Variants in CALN1 observed in about 807,000 individuals in gnomAD.
CALN1 encodes calcium-binding protein 8.
CALN1 carries 17 observed loss-of-function variants against 30.6 expected under a neutral mutation model. The observed-to-expected ratio is 0.56, with a 90% CI of 0.38 to 0.83. CALN1 has a LOEUF of 0.83. Among genes scored for constraint, CALN1 ranks in the 40% least tolerant of loss-of-function variants. CALN1 has a pLI of 0.00. For missense variants in CALN1, 291 were observed against 354.9 expected (o/e 0.82, Z 1.45); for synonymous variants, 156 against 131.4 (o/e 1.19, Z -1.28).
the CALN1 span, among the ~76,000 whole-genome samples, chr7:72,500,610 G>A: frequency 3.3e-5 from 5 of 150,952 alleles, no homozygotes; most frequent in East Asian, 1.9e-4. Flanking sequence ...TCCCCTCTCC[G>A]CTGTTTATAT....
Position 72,091,508 on chromosome 7 carries a change from C to T in CALN1, c.388+14643G>A, listed in dbSNP as rs143330071. On this transcript the variant is annotated intron_variant, in intron 4 of 6. Transcript: ENST00000395275. ...GCTTGTATCAAAATATCACATGTACCCCATAAATATGTATAACTTATATCC... is the reference window on the plus strand; with the variant it reads ...GCTTGTATCAAAATATCACATGTACTCCATAAATATGTATAACTTATATCC... Among the ~76,000 whole-genome samples, 379 of 152,106 alleles carry T rather than the reference C, an allele frequency of 2.5e-3. 2 individuals are homozygous for T. Among genetic ancestry groups the T allele is most frequent in the African/African-American group, 8.4e-3 (349 of 41,476 alleles).
chr7:72,308,371 GGGAGAGA>G (rs1291363753), intron 2 of CALN1, among the ~76,000 whole-genome samples: 3 of 94,094 alleles, frequency 3.2e-5, no homozygotes, highest in African/African-American at 8.3e-5. Flanking sequence ...CTGTGGGGGG[GGGAGAGA>G]GAGAGAGAGA....
chr7:72,045,332 G>A (rs1277714882), intron 4 of CALN1, among the ~76,000 whole-genome samples: 1 of 152,212 alleles, frequency 6.6e-6, no homozygotes, highest in African/African-American at 2.4e-5. Flanking sequence ...CTGACTATGT[G>A]TGCTTGGATT....
At chr7:71,839,124 TGAGA>T (rs148834323) in intron 5 of CALN1, among the ~76,000 whole-genome samples, 2 of 151,118 alleles carry the variant, frequency 1.3e-5, no homozygotes, top group African/African-American at 2.4e-5. Context: ...TTATCATTCT[TGAGA>T]GAGAGAGAGA....
chr7:72,415,903 A>C (rs374593512), upstream of CALN1, among the ~76,000 whole-genome samples: 13 of 152,276 alleles, frequency 8.5e-5, no homozygotes, highest in African/African-American at 1.4e-4. Context: ...CCTGAGTCTG[A>C]TCTGTTCCCA....
At chr7:72,468,046 GTCCATCCATGTTGTTGCATGTATAAGTAC>G in the CALN1 span, among the ~76,000 whole-genome samples, 1 of 152,098 alleles carries the variant, frequency 6.6e-6, no homozygotes, top group Admixed American at 6.5e-5. Context: ...TGTTTTCAAG[GTCCATCCATGTTGTTGCATGTATAAGTAC>G]TTCATTCCTT....
intron 5 of CALN1, among the ~76,000 whole-genome samples, chr7:71,858,824 C>T (rs1271819647): frequency 6.6e-6 from 1 of 152,110 alleles, no homozygotes; most frequent in Non-Finnish European, 1.5e-5. Flanking sequence ...TGTCTCGTGT[C>T]TCCCTAAAAT....
At chr7:71,925,039 G>C (rs940881442) in intron 5 of CALN1, among the ~76,000 whole-genome samples, 12 of 152,134 alleles carry the variant, frequency 7.9e-5, no homozygotes, top group African/African-American at 2.9e-4. Flanking sequence ...TCAGGAGTTT[G>C]AGAGCAGCCT....
At chr7:72,150,407 C>G (rs1031350299) in intron 3 of CALN1, among the ~76,000 whole-genome samples, 1 of 152,216 alleles carries the variant, frequency 6.6e-6, no homozygotes, top group East Asian at 1.9e-4. Context: ...GGTTTACTCA[C>G]AAGTAAACAA....
In CALN1 at chr7:72,247,247, T is replaced by TCC. The variant is rs1795248579; in HGVS notation, c.244+31438_244+31439insGG. On this transcript the variant is annotated intron_variant, in intron 3 of 6. Transcript: ENST00000395275. ...TCTTTCTTTTTTTTTTTTTTTTTTT[T>TCC]TTTTTTTTTTTTTTTTTTTGAGATG... is the stretch of plus-strand genomic sequence containing the variant. 1.7e-5 allele frequency among the ~76,000 whole-genome samples: 2 copies of TCC among 115,848 alleles called. 1 individual carries two copies. The allele number at this position is 115,848 out of a possible 152,430, so 76.0% of individuals were successfully genotyped here. A position where few individuals can be genotyped will look rare whatever the true frequency, so the allele number is the denominator to read the frequency against.
intron 2 of CALN1, among the ~76,000 whole-genome samples, chr7:72,402,801 G>C (rs983399246): frequency 6.6e-6 from 1 of 152,132 alleles, no homozygotes; most frequent in Non-Finnish European, 1.5e-5. Context: ...ACTTGGGTAG[G>C]AATCCCAGGT....
intron 3 of CALN1, among the ~76,000 whole-genome samples, chr7:72,189,767 CAAAA>C (rs56087252): frequency 7.6e-5 from 10 of 130,930 alleles, no homozygotes; most frequent in Admixed American, 3.2e-4. Context: ...GACTTTGTCT[CAAAA>C]AAAAAAAAAA....
At chr7:72,275,480 T>C (rs1300202979) in intron 3 of CALN1, among the ~76,000 whole-genome samples, 2 of 152,144 alleles carry the variant, frequency 1.3e-5, no homozygotes, top group African/African-American at 2.4e-5. Context: ...CCCGAGATGC[T>C]TGTAATAAAC....
chr7:71,889,914 G>A (rs994409062), intron 5 of CALN1, among the ~76,000 whole-genome samples: 37 of 151,182 alleles, frequency 2.4e-4, no homozygotes, highest in Non-Finnish European at 1.5e-4. Context: ...GCAGTGTGCC[G>A]AGATTGCACT....
the CALN1 span, among the ~76,000 whole-genome samples, chr7:72,473,214 G>C: frequency 0.05 from 7,667 of 151,846 alleles, 236 homozygotes; most frequent in African/African-American, 0.068. Flanking sequence ...GCCTCCCAAA[G>C]TGCTGGGATT....
intron 1 of CALN1, among the ~76,000 whole-genome samples, chr7:72,405,287 T>A (rs570837426): frequency 6.6e-6 from 1 of 152,180 alleles, no homozygotes; most frequent in African/African-American, 2.4e-5. Context: ...AACACATACA[T>A]GCACACACAC....
intron 5 of CALN1, among the ~76,000 whole-genome samples, chr7:71,926,173 C>A (rs11761934): frequency 0.054 from 8,144 of 152,148 alleles, 362 homozygotes; most frequent in East Asian, 0.13. Context: ...TTCCTCCTCT[C>A]CCCAACCCCC....
At chr7:71,926,005 C>T (rs934335197) in intron 5 of CALN1, among the ~76,000 whole-genome samples, 4 of 152,156 alleles carry the variant, frequency 2.6e-5, no homozygotes, top group African/African-American at 2.4e-5. Flanking sequence ...AGGCACCTGC[C>T]GCCATGCCTG....
At chr7:72,291,107 AG>A (rs1221709908) in intron 2 of CALN1, among the ~76,000 whole-genome samples, 1 of 152,056 alleles carries the variant, frequency 6.6e-6, no homozygotes, top group Non-Finnish European at 1.5e-5. Flanking sequence ...TATTTTCAGT[AG>A]AGACAGGATT....
Sources: allele counts gnomAD v4.1 joint callset (sites outside exome capture counted in the v4.1 genomes callset), GRCh38; gene constraint gnomAD v4.1.1; transcripts MANE v1.5; gene names NCBI Gene and HGNC (gene_info 2026-07-23, HGNC 2026-07-21).